The following NKAIN2 variants were observed in gnomAD, a reference collection of about 807,000 sequenced individuals.
NKAIN2 encodes sodium/potassium-transporting ATPase subunit beta-1-interacting protein 2.
A neutral mutation model predicts 32.6 loss-of-function variants in NKAIN2; 14 were observed. The observed-to-expected ratio is 0.43, with a 90% CI of 0.28 to 0.67. The LOEUF is 0.67. NKAIN2 is among the 30% of genes least tolerant of loss of function. The probability of loss-of-function intolerance (pLI) is 0.17; values close to 1 mark genes in which losing one functional copy is unlikely to be tolerated. For missense variants in NKAIN2, 198 were observed against 258.3 expected, an observed-to-expected ratio of 0.77 and a Z score of 1.60; for synonymous variants, 80 against 87.2, an observed-to-expected ratio of 0.92 and a Z score of 0.46.
intron 1 of NKAIN2, among the ~76,000 whole-genome samples, chr6:123,981,454 G>T (rs1267392377): frequency 3.9e-5 from 6 of 152,156 alleles, no homozygotes; most frequent in Admixed American, 3.9e-4. Context: ...GCCCCACGGT[G>T]CTAAATTTTG....
rs570354072 is a variant in NKAIN2 at position 124,520,121 on chromosome 6, A to T, written c.274-138065A>T. ...ACCACATTCAGCTGTTGAGGCGGAC[A>T]GATAAACAGAAAGGCCAATACGAAA... On this transcript the variant is annotated intron_variant, in intron 3 of 6. Coordinates refer to ENST00000368417, the MANE Select transcript of NKAIN2 (RefSeq NM_001040214.3). Among the ~76,000 whole-genome samples, 248 of 152,352 alleles carry T rather than the reference A, an allele frequency of 1.6e-3. 1 individual carries two copies. The Middle Eastern group carries it at 0.024, about 15-fold the overall frequency.
At chr6:124,537,173 C>T (rs536891300) in intron 3 of NKAIN2, among the ~76,000 whole-genome samples, 1 of 152,328 alleles carries the variant, frequency 6.6e-6, no homozygotes, top group East Asian at 1.9e-4. Context: ...AGCTGCTTCA[C>T]TCCTGTTAAC....
chr6:124,299,691 C>A (rs1055378243), intron 2 of NKAIN2, among the ~76,000 whole-genome samples: 1 of 152,156 alleles, frequency 6.6e-6, no homozygotes, highest in African/African-American at 2.4e-5. Flanking sequence ...ATTACCCCTT[C>A]TTTTCTAGTT....
At chr6:124,556,086 CAAAAA>C (rs10592574) in intron 3 of NKAIN2, among the ~76,000 whole-genome samples, 31 of 135,102 alleles carry the variant, frequency 2.3e-4, no homozygotes, top group Non-Finnish European at 2.6e-4. Context: ...GTTTGCTATG[CAAAAA>C]AAAAAAAAAA....
intron 1 of NKAIN2, among the ~76,000 whole-genome samples, chr6:124,105,094 T>C (rs931878965): frequency 2.0e-5 from 3 of 152,220 alleles, no homozygotes; most frequent in Admixed American, 6.5e-5. Flanking sequence ...AAGTCTGTCA[T>C]AGTCAGCAGG....
chr6:124,786,426 C>A (rs1487056139), intron 4 of NKAIN2, among the ~76,000 whole-genome samples: 2 of 152,098 alleles, frequency 1.3e-5, no homozygotes, highest in African/African-American at 4.8e-5. Context: ...GCTATATTTT[C>A]AATTATTACA....
chr6:123,950,970 T>G (rs2114583720), intron 1 of NKAIN2, among the ~76,000 whole-genome samples: 2 of 152,074 alleles, frequency 1.3e-5, no homozygotes, highest in South Asian at 4.1e-4. Flanking sequence ...TCTCATAGAT[T>G]TTTGTGTGTT....
chr6:124,565,606 C>T (rs1455864893), intron 3 of NKAIN2, among the ~76,000 whole-genome samples: 4 of 152,144 alleles, frequency 2.6e-5, no homozygotes, highest in African/African-American at 9.7e-5. Context: ...CTTAGAGTTC[C>T]TTGATTTTAT....
At position 123,804,151 on chromosome 6, in the gene NKAIN2, G is replaced by A; in HGVS notation, c.-50G>A. 2 of 1,563,040 alleles carry A rather than the reference G, an allele frequency of 1.3e-6. No homozygotes were observed. The highest frequency in any genetic ancestry group is 1.8e-6 in the Non-Finnish European group (2 of 1,133,708). ...ATCTGATTGGATAAAGTGGGGGCTC[G>A]ACGGTGGCCGACGTGGGACAGTCTG... On this transcript the variant is annotated 5_prime_UTR_variant, in exon 1 of 7. Coordinates refer to ENST00000368417, the MANE Select transcript of NKAIN2 (RefSeq NM_001040214.3).
chr6:124,622,012 T>C (rs1231831398), intron 3 of NKAIN2, among the ~76,000 whole-genome samples: 1 of 152,228 alleles, frequency 6.6e-6, no homozygotes, highest in Non-Finnish European at 1.5e-5. Flanking sequence ...CTGTGCCTGC[T>C]ATAACAAATT....
intron 1 of NKAIN2, among the ~76,000 whole-genome samples, chr6:124,130,991 T>A (rs1023894981): frequency 2.6e-5 from 4 of 152,068 alleles, no homozygotes; most frequent in Non-Finnish European, 5.9e-5. Flanking sequence ...TCTGTTGAGG[T>A]CCTATTAAAT....
chr6:124,539,420 T>G (rs1779831360), intron 3 of NKAIN2, among the ~76,000 whole-genome samples: 1 of 152,112 alleles, frequency 6.6e-6, no homozygotes, highest in Non-Finnish European at 1.5e-5. Flanking sequence ...CATTCATACA[T>G]GTATGCTCTC....
chr6:123,941,880 T>C (rs978101873), intron 1 of NKAIN2, among the ~76,000 whole-genome samples: 5 of 151,948 alleles, frequency 3.3e-5, no homozygotes, highest in African/African-American at 1.2e-4. Context: ...CTCTTTTTTT[T>C]ACCAATCCCT....
At chr6:123,903,588 A>C (rs1009855656) in intron 1 of NKAIN2, among the ~76,000 whole-genome samples, 1 of 152,152 alleles carries the variant, frequency 6.6e-6, no homozygotes. Context: ...CTCTTTTCCA[A>C]ACTTAGCCCC....
chr6:124,524,668 C>T (rs1347683816), intron 3 of NKAIN2, among the ~76,000 whole-genome samples: 2 of 152,106 alleles, frequency 1.3e-5, no homozygotes. Context: ...AGGAAATATC[C>T]CAAACTGACA....
chr6:124,634,639 A>G (rs1783702739), intron 3 of NKAIN2, among the ~76,000 whole-genome samples: 1 of 152,116 alleles, frequency 6.6e-6, no homozygotes, highest in Non-Finnish European at 1.5e-5. Flanking sequence ...CTAGAAAAAT[A>G]AAAGATTGGA....
At chr6:124,711,007 C>T (rs1213049984) in intron 4 of NKAIN2, among the ~76,000 whole-genome samples, 2 of 148,028 alleles carry the variant, frequency 1.4e-5, no homozygotes, top group Non-Finnish European at 3.0e-5. Context: ...CCTTCAGGAG[C>T]TCTTTTAGGG....
intron 4 of NKAIN2, among the ~76,000 whole-genome samples, chr6:124,781,134 A>G (rs1477051004): frequency 6.6e-6 from 1 of 152,108 alleles, no homozygotes. Flanking sequence ...TTAGAATCTT[A>G]TGTTCCCTTT....
At chr6:124,572,397 A>G (rs997963471) in intron 3 of NKAIN2, among the ~76,000 whole-genome samples, 2 of 152,244 alleles carry the variant, frequency 1.3e-5, no homozygotes, top group Admixed American at 1.3e-4. Flanking sequence ...TTATCGTGAG[A>G]AGAAATATAA....
Sources: gnomAD v4.1 joint callset for allele counts (sites outside exome capture counted in the v4.1 genomes callset) on GRCh38, gnomAD v4.1.1 for gene constraint, MANE v1.5 for transcripts, NCBI Gene and HGNC (gene_info 2026-07-23, HGNC 2026-07-21) for gene names.